Variants in CENPV observed in about 807,000 individuals in gnomAD.
CENPV encodes nuclear protein p30.
In CENPV, 15 loss-of-function variants were observed where a neutral mutation model predicts 26.4. That is an observed-to-expected ratio of 0.57 (90% CI 0.38 to 0.88). The LOEUF is 0.88. Among genes scored for constraint, CENPV ranks in the 40% least tolerant of loss-of-function variants. CENPV has a pLI of 0.00. For missense variants in CENPV, 336 were observed against 376.5 expected (o/e 0.89, Z 0.89); for synonymous variants, 172 against 165.5 (o/e 1.04, Z -0.30).
intron 2 of CENPV, chr17:16,349,125 C>G: frequency 4.0e-6 from 4 of 988,984 alleles, no homozygotes; most frequent in Non-Finnish European, 4.8e-6. Context: ...AAGTAAAACA[C>G]GTCCCCAGAA....
At chr17:16,349,681 T>TGCCACAA (rs1218912874) in intron 2 of CENPV, 1 of 1,250,130 alleles carries the variant, frequency 8.0e-7, no homozygotes, top group Non-Finnish European at 1.0e-6. Flanking sequence ...AGGGTGATGC[T>TGCCACAA]GCCACAAGCC....
rs138767606 is a variant in CENPV, at chr17:16,346,943, C to T, written c.579+1673G>A. ...ACAGCTTACTGCAGCCTTGACCTCC[C>T]AGGATCAAGTGATTCTCCCACCTCA... On this transcript the variant is annotated intron_variant, in intron 3 of 4. Coordinates refer to ENST00000299736, the MANE Select transcript of CENPV (RefSeq NM_181716.3). 1.8e-4 allele frequency among the ~76,000 whole-genome samples: 28 copies of T among 151,884 alleles called. No homozygotes were observed. In the East Asian group the frequency reaches 4.9e-3, roughly 27 times the overall value.
intron 3 of CENPV, 126 bp downstream of exon 3, chr17:16,348,490 G>A (rs1031678938): frequency 1.7e-5 from 26 of 1,522,636 alleles, no homozygotes; most frequent in East Asian, 2.3e-5. Flanking sequence ...ACCAAAGCCC[G>A]TGAGAGGCCC....
intron 3 of CENPV, among the ~76,000 whole-genome samples, chr17:16,347,883 T>C (rs980146524): frequency 2.0e-5 from 3 of 152,204 alleles, no homozygotes; most frequent in African/African-American, 7.2e-5. Context: ...CAAATAAGTA[T>C]ATAAGCTTTT....
chr17:16,349,071 G>T (rs1344111685), intron 2 of CENPV: 4 of 993,820 alleles, frequency 4.0e-6, no homozygotes, highest in Non-Finnish European at 4.8e-6. Flanking sequence ...GGAAGTTTAG[G>T]TTTCCCTCTT....
In CENPV at chr17:16,347,210, C is replaced by T. The variant is rs77193075; in HGVS notation, c.579+1406G>A. ...GAGGGATCCAAGAAACAGTGGCTTA[C>T]CTTTAGGGAGAGAAATCAGACAGCT... On this transcript the variant is annotated intron_variant, in intron 3 of 4. Transcript: ENST00000299736. Among the ~76,000 whole-genome samples the T allele has an allele frequency of 8.3e-4, 126 of 152,204 alleles. 2 individuals are homozygous for T. The East Asian group carries it at 0.022, about 26-fold the overall frequency.
At chr17:16,349,603 T>C (rs1389523794) in intron 2 of CENPV, 4 of 1,066,362 alleles carry the variant, frequency 3.8e-6, no homozygotes, top group Non-Finnish European at 4.5e-6. Flanking sequence ...GCCCAAGGCT[T>C]TCCACTCAGT....
At chr17:16,348,575 A>G in intron 3 of CENPV, 41 bp downstream of exon 3, 1 of 1,612,264 alleles carries the variant, frequency 6.2e-7, no homozygotes. Context: ...AAATCTCACC[A>G]ATGGGTTCTG....
chr17:16,344,562 T>TC, intron 4 of CENPV, 35 bp downstream of exon 4: 1 of 1,280,440 alleles, frequency 7.8e-7, no homozygotes, highest in Non-Finnish European at 1.1e-6. Flanking sequence ...CCTCTCTGTG[T>TC]CCCCCTGAGC....
rs1189474865 is a variant in CENPV, at chr17:16,353,204, G to T, written c.233C>A (p.Pro78Gln). The change falls in exon 1 of 5, where the codon CCG becomes CAG. Residue 78 changes from proline (P) to glutamine (Q), a missense_variant. Transcript: ENST00000299736. The stretch of plus-strand genomic sequence containing the variant: ...GAGCAACGCCAGCTCAGGCGGCGGC[G>T]GCTCCCCCGGGCCCTCCTCCTGGGC... ...PRAQEEGPGEPPPPELALLPP... is the reference protein window; with the variant it reads ...PRAQEEGPGEQPPPELALLPP... The T allele has an allele frequency of 2.9e-6, 4 of 1,363,548 alleles. No homozygotes were observed. The highest frequency in any genetic ancestry group is 3.8e-6 in the Non-Finnish European group (4 of 1,065,430). 84.5% of individuals were successfully genotyped at this position (1,363,548 alleles called of 1,614,324 possible). A position where few individuals can be genotyped will look rare whatever the true frequency, so the allele number is the denominator to read the frequency against.
intron 2 of CENPV, 149 bp downstream of exon 2, chr17:16,349,782 G>A: frequency 6.9e-7 from 1 of 1,442,854 alleles, no homozygotes; most frequent in Non-Finnish European, 9.1e-7. Flanking sequence ...ATAGAACAAT[G>A]AACCTTTCTG....
At chr17:16,352,841 C>T (rs1285478248) in intron 1 of CENPV, among the ~76,000 whole-genome samples, 186 bp downstream of exon 1, 1 of 151,892 alleles carries the variant, frequency 6.6e-6, no homozygotes, top group Non-Finnish European at 1.5e-5. Flanking sequence ...GAAGCACCGC[C>T]CCGCCCCGCC....
intron 1 of CENPV, 107 bp from the exon 2 acceptor site, chr17:16,350,136 A>G: frequency 8.8e-6 from 12 of 1,356,248 alleles, no homozygotes; most frequent in East Asian, 2.4e-5. Context: ...TCTTTTCTAC[A>G]TGACAACCAG....
At chr17:16,345,842 C>G (rs1033545846) in intron 3 of CENPV, among the ~76,000 whole-genome samples, 1 of 152,104 alleles carries the variant, frequency 6.6e-6, no homozygotes, top group Non-Finnish European at 1.5e-5. Flanking sequence ...CCAAACAGAA[C>G]GGCTCAAGGT....
At chr17:16,344,166 A>G (rs2093194905) in intron 4 of CENPV, among the ~76,000 whole-genome samples, 1 of 151,934 alleles carries the variant, frequency 6.6e-6, no homozygotes, top group Non-Finnish European at 1.5e-5. Flanking sequence ...TAATTTTTGA[A>G]CAACCAAAAA....
rs560390150 is a variant in CENPV at position 16,353,363 on chromosome 17, G to C, written c.74C>G (p.Ala25Gly). The change falls in exon 1 of 5, where the codon GCG becomes GGG. Residue 25 changes from alanine (A) to glycine (G), a missense_variant. Ala to Gly is a moderately conservative substitution (Grantham distance 60). This residue lies in a region of CENPV where 181 missense variants were observed against 148.8 expected (regional missense o/e 1.22). Coordinates refer to ENST00000299736, the MANE Select transcript of CENPV (RefSeq NM_181716.3). Reference sequence around the variant, plus strand: ...TGCCAAGGCAGCGGCCGCGGAGGCCGCGGGGGCCGCGGAGGCCCCGGACCG... The same window carrying C: ...TGCCAAGGCAGCGGCCGCGGAGGCCCCGGGGGCCGCGGAGGCCCCGGACCG... ...QKRSGASAAP[A>G]ASAAAALAPS... is the part of the protein sequence containing the mutation. 1.1e-5 allele frequency: 14 copies of C among 1,237,114 alleles called. No individual in the cohort carries two copies. The highest frequency in any genetic ancestry group is 1.4e-5 in the Non-Finnish European group (14 of 992,826). The allele number at this position is 1,237,114 out of a possible 1,614,324, so 76.6% of individuals were successfully genotyped here. A position where few individuals can be genotyped will look rare whatever the true frequency, so the allele number is the denominator to read the frequency against.
intron 2 of CENPV, 61 bp from the exon 3 acceptor site, chr17:16,348,746 G>A (rs2093217932): frequency 6.2e-7 from 1 of 1,606,156 alleles, no homozygotes; most frequent in South Asian, 1.1e-5. Flanking sequence ...CTATGCCTGA[G>A]CGGCCCAGCC....
At chr17:16,345,522 G>A (rs1447763471) in intron 3 of CENPV, among the ~76,000 whole-genome samples, 1 of 151,938 alleles carries the variant, frequency 6.6e-6, no homozygotes, top group South Asian at 2.1e-4. Context: ...AGTGGGCTGA[G>A]ATCGCACCAT....
Position 16,342,928 on chromosome 17 carries a change from G to GT in CENPV, c.707dup (p.His236GlnfsTer5), listed in dbSNP as rs781744849. 1.2e-6 allele frequency: 2 copies of GT among 1,614,084 alleles called. No individual in the cohort carries two copies. Among genetic ancestry groups the GT allele is most frequent in the Non-Finnish European group, 1.7e-6 (2 of 1,180,052 alleles). ...TCCGCACAGTGCCCTCATCCAGGCA[G>GT]TGGGGGGCAATTCCTACGAGAAAGT... On this transcript the variant is annotated frameshift_variant, in exon 5 of 5. Transcript: ENST00000299736. LOFTEE classifies it high-confidence loss of function.
Sources: gnomAD v4.1 joint callset for allele counts (sites outside exome capture counted in the v4.1 genomes callset) on GRCh38, gnomAD v4.1.1 for gene constraint, gnomAD v4.1.1 regional missense constraint, MANE v1.5 for transcripts, NCBI Gene and HGNC (gene_info 2026-07-23, HGNC 2026-07-21) for gene names.